DLG2: variants seen among roughly 807,000 people sequenced by gnomAD.
The protein encoded by DLG2 is disks large homolog 2.
A neutral mutation model predicts 132.5 loss-of-function variants in DLG2; 45 were observed. The ratio of observed to expected loss-of-function variants is 0.34; its 90% confidence interval spans 0.27 to 0.44. DLG2 has a LOEUF of 0.44. DLG2 is among the 20% of genes least tolerant of loss of function. The pLI is 1.00. For synonymous variants in DLG2, 424 were observed against 419.6 expected (o/e 1.01, Z -0.13); for missense variants, 1,045 against 1,196.9 (o/e 0.87, Z 1.87).
chr11:83,998,554 A>G (rs1022018863), intron 11 of DLG2, among the ~76,000 whole-genome samples: 6 of 152,208 alleles, frequency 3.9e-5, no homozygotes, highest in Non-Finnish European at 8.8e-5. Context: ...ACTCCTCAAT[A>G]TGGGAGAAGT....
intron 3 of DLG2, among the ~76,000 whole-genome samples, chr11:85,474,759 TA>T (rs2093088822): frequency 6.6e-6 from 1 of 151,658 alleles, no homozygotes; most frequent in Non-Finnish European, 1.5e-5. Context: ...TTAATTCATT[TA>T]ATTTAATTAA....
intron 6 of DLG2, among the ~76,000 whole-genome samples, chr11:85,067,740 T>C (rs1362100018): frequency 1.3e-5 from 2 of 148,496 alleles, no homozygotes; most frequent in African/African-American, 5.0e-5. Context: ...GGAGGAGGAG[T>C]TTTCCTACTG....
At chr11:83,993,395 A>T (rs751822406) in intron 11 of DLG2, among the ~76,000 whole-genome samples, 1 of 152,168 alleles carries the variant, frequency 6.6e-6, no homozygotes, top group Non-Finnish European at 1.5e-5. Context: ...TATGTTGAGC[A>T]TTTTTAATGT....
At chr11:84,055,609 C>A (rs375826223) in intron 11 of DLG2, among the ~76,000 whole-genome samples, 2 of 152,074 alleles carry the variant, frequency 1.3e-5, no homozygotes, top group Non-Finnish European at 2.9e-5. Flanking sequence ...CATGCCTCTA[C>A]TTCTATCTGG....
At chr11:84,737,363 T>A (rs970805442) in intron 6 of DLG2, among the ~76,000 whole-genome samples, 2 of 152,000 alleles carry the variant, frequency 1.3e-5, no homozygotes, top group African/African-American at 4.8e-5. Flanking sequence ...AGGCCTCATG[T>A]AGTGAGTTGG....
chr11:84,939,916 T>G (rs1168289451), intron 6 of DLG2, among the ~76,000 whole-genome samples: 1 of 152,228 alleles, frequency 6.6e-6, no homozygotes, highest in African/African-American at 2.4e-5. Context: ...GTTACACTGA[T>G]TTCCCTTCTT....
At chr11:84,868,989 C>T (rs2085056271) in intron 6 of DLG2, among the ~76,000 whole-genome samples, 1 of 152,050 alleles carries the variant, frequency 6.6e-6, no homozygotes, top group Non-Finnish European at 1.5e-5. Context: ...TTGTTAATAC[C>T]CCCTAAAGGA....
intron 9 of DLG2, among the ~76,000 whole-genome samples, chr11:84,153,039 T>C (rs1196398633): frequency 1.3e-5 from 2 of 152,206 alleles, no homozygotes; most frequent in Non-Finnish European, 2.9e-5. Context: ...GCTGATCTGG[T>C]GGTAACAAAT....
At chr11:84,205,157 A>G (rs998641817) in intron 8 of DLG2, among the ~76,000 whole-genome samples, 5 of 152,342 alleles carry the variant, frequency 3.3e-5, no homozygotes, top group East Asian at 3.9e-4. Flanking sequence ...GGGATATTTC[A>G]TAAGGACTAA....
At chr11:83,660,217 C>G (rs561816908) in intron 18 of DLG2, among the ~76,000 whole-genome samples, 2 of 152,170 alleles carry the variant, frequency 1.3e-5, no homozygotes, top group African/African-American at 4.8e-5. Flanking sequence ...GAGCTCTTAG[C>G]CCAGTGGGAA....
intron 6 of DLG2, among the ~76,000 whole-genome samples, chr11:85,009,502 A>G (rs543192139): frequency 3.0e-4 from 46 of 152,234 alleles, no homozygotes; most frequent in African/African-American, 1.1e-3. Flanking sequence ...CCAAGTGCAA[A>G]ATCAGACAAA....
At chr11:83,797,734 G>A (rs2043209735) in intron 17 of DLG2, among the ~76,000 whole-genome samples, 1 of 152,010 alleles carries the variant, frequency 6.6e-6, no homozygotes, top group African/African-American at 2.4e-5. Flanking sequence ...TAGCCAGGAT[G>A]GTCTCGATCT....
At chr11:84,746,744 G>T (rs1026317072) in intron 6 of DLG2, among the ~76,000 whole-genome samples, 1 of 152,206 alleles carries the variant, frequency 6.6e-6, no homozygotes, top group East Asian at 1.9e-4. Flanking sequence ...TAAACAATAA[G>T]AATATTTGTT....
chr11:83,892,982 C>T (rs540829800), intron 15 of DLG2, among the ~76,000 whole-genome samples: 4 of 152,270 alleles, frequency 2.6e-5, no homozygotes, highest in African/African-American at 9.6e-5. Flanking sequence ...TCAGTTTGGC[C>T]TACAATCTTC....
chr11:85,224,571 A>C (rs911542333), intron 4 of DLG2, among the ~76,000 whole-genome samples: 2 of 152,150 alleles, frequency 1.3e-5, no homozygotes, highest in Admixed American at 1.3e-4. Flanking sequence ...GTTGCTGGAA[A>C]GTATTTTCTG....
chr11:85,612,947 C>T (rs958433061), intron 2 of DLG2, among the ~76,000 whole-genome samples: 5 of 152,292 alleles, frequency 3.3e-5, no homozygotes, highest in South Asian at 4.1e-4. Flanking sequence ...CCAAAACTAC[C>T]GAGGCCTAGA....
intron 6 of DLG2, among the ~76,000 whole-genome samples, chr11:85,060,958 G>A (rs915691968): frequency 2.6e-5 from 4 of 151,096 alleles, no homozygotes; most frequent in African/African-American, 7.3e-5. Context: ...ATATCTCCTT[G>A]TGGTTTTGAC....
At chr11:85,001,075 A>G (rs776371824) in intron 6 of DLG2, among the ~76,000 whole-genome samples, 1 of 151,932 alleles carries the variant, frequency 6.6e-6, no homozygotes, top group African/African-American at 2.4e-5. Context: ...TGCCCCACCC[A>G]TAATACCCCC....
At chr11:84,105,880 C>T (rs1043823506) in intron 9 of DLG2, among the ~76,000 whole-genome samples, 1 of 152,022 alleles carries the variant, frequency 6.6e-6, no homozygotes, top group African/African-American at 2.4e-5. Flanking sequence ...TCAAGTTTAC[C>T]TTCTGTATAT....
Sources: gnomAD v4.1 joint callset for allele counts (sites outside exome capture counted in the v4.1 genomes callset) on GRCh38, gnomAD v4.1.1 for gene constraint, MANE v1.5 for transcripts, NCBI Gene and HGNC (gene_info 2026-07-23, HGNC 2026-07-21) for gene names.